USP12: variants seen among roughly 807,000 people sequenced by gnomAD.
USP12 encodes the protein ubiquitin carboxyl-terminal hydrolase 12.
USP12 carries 19 observed loss-of-function variants against 45.5 expected under a neutral mutation model. The ratio of observed to expected loss-of-function variants is 0.42; its 90% CI spans 0.29 to 0.61. USP12 has a LOEUF of 0.61. USP12 is among the 20% of genes least tolerant of loss of function. The probability of loss-of-function intolerance (pLI) is 0.22; values close to 1 mark genes in which losing one functional copy is unlikely to be tolerated. For synonymous variants in USP12, 149 were observed against 148.8 expected (o/e 1.00, Z -0.01); for missense variants, 242 against 447.7 (o/e 0.54, Z 4.15).
At chr13:27,171,059 G>A (rs1290076096) in intron 1 of USP12, among the ~76,000 whole-genome samples, 1 of 151,316 alleles carries the variant, frequency 6.6e-6, no homozygotes, top group Non-Finnish European at 1.5e-5. Context: ...TGCCCGCCCC[G>A]GCCGAGACCC....
At chr13:27,103,285 T>G (rs1040389298) in intron 3 of USP12, among the ~76,000 whole-genome samples, 27 of 152,302 alleles carry the variant, frequency 1.8e-4, no homozygotes, top group African/African-American at 6.5e-4. Context: ...GAATAATATA[T>G]TAAATCCTCT....
chr13:27,117,012 A>G (rs1022611032), intron 1 of USP12, among the ~76,000 whole-genome samples: 1 of 152,188 alleles, frequency 6.6e-6, no homozygotes, highest in Non-Finnish European at 1.5e-5. Flanking sequence ...TATTTTCATA[A>G]TATTGTCACA....
At chr13:27,108,303 T>A (rs1875249073) in intron 2 of USP12, among the ~76,000 whole-genome samples, 2 of 151,894 alleles carry the variant, frequency 1.3e-5, no homozygotes, top group Non-Finnish European at 1.5e-5. Context: ...AAACACCGCA[T>A]GTTCTTACTC....
chr13:27,103,598 C>CAAAAAAAAAAAAAAAAAAAAAAA, intron 3 of USP12, among the ~76,000 whole-genome samples: 1 of 128,750 alleles, frequency 7.8e-6, no homozygotes, highest in Non-Finnish European at 1.6e-5. Flanking sequence ...ATTGAACTAT[C>CAAAAAAAAAAAAAAAAAAAAAAA]AAAAAAAAAA....
intron 1 of USP12, chr13:27,170,216 C>G: frequency 5.0e-6 from 2 of 398,138 alleles, no homozygotes; most frequent in Non-Finnish European, 8.9e-6. Flanking sequence ...AATATGATTT[C>G]TTTAATACTG....
At chr13:27,085,894 G>A (rs9551356) in intron 6 of USP12, among the ~76,000 whole-genome samples, 5 of 151,760 alleles carry the variant, frequency 3.3e-5, no homozygotes, top group Admixed American at 3.3e-4. Flanking sequence ...CAGCAGGCGT[G>A]GTATCTAGCT....
chr13:27,148,164 C>G (rs1324112062), intron 1 of USP12, among the ~76,000 whole-genome samples: 2 of 150,924 alleles, frequency 1.3e-5, no homozygotes, highest in African/African-American at 4.9e-5. Context: ...GAAAACCTAA[C>G]AGAAGTTGTT....
intron 4 of USP12, 127 bp downstream of exon 4, chr13:27,095,474 A>G: frequency 3.0e-6 from 2 of 655,980 alleles, no homozygotes; most frequent in South Asian, 5.8e-5. Flanking sequence ...ACTGAAAAAT[A>G]CATCTTTAAC....
rs1876416559 is a variant in USP12 at position 27,129,938 on chromosome 13, G to C, written c.49-13342C>G. On this transcript the variant is annotated intron_variant, in intron 1 of 8. Coordinates refer to ENST00000282344, the MANE Select transcript of USP12 (RefSeq NM_182488.4). This position sits in a 1 kb window ranked among gnomAD's most constrained non-coding sequence, Gnocchi z 4.0. ...AATGGCAGAGTAGAAAGCTCCCAGG[G>C]TTAGTCCTTCCACCAAAACCATTAA... Among the ~76,000 whole-genome samples the C allele has an allele frequency of 6.6e-6, 1 of 152,128 alleles. No homozygotes were observed. Among genetic ancestry groups the C allele is most frequent in the African/African-American group, 2.4e-5 (1 of 41,416 alleles).
At chr13:27,105,416 AG>A (rs1173938402) in intron 3 of USP12, among the ~76,000 whole-genome samples, 70 of 152,374 alleles carry the variant, frequency 4.6e-4, no homozygotes, top group African/African-American at 1.7e-3. Flanking sequence ...GCAAAAAAAA[AG>A]AAACAAAAAC....
chr13:27,113,154 G>A (rs1875544428), intron 2 of USP12, among the ~76,000 whole-genome samples: 1 of 152,154 alleles, frequency 6.6e-6, no homozygotes, highest in Non-Finnish European at 1.5e-5. Flanking sequence ...AGGACGGCTT[G>A]AGCCAAGAAG....
At position 27,140,649 on chromosome 13, in the gene USP12, G is replaced by T. The variant is rs544723427; in HGVS notation, c.49-24053C>A. Among the ~76,000 whole-genome samples, 16 of 152,262 alleles carry T rather than the reference G, an allele frequency of 1.1e-4. No individual in the cohort carries two copies. The East Asian group carries it at 3.1e-3, about 29-fold the overall frequency. Reference sequence around the variant, plus strand: ...AAGTAACAAAACTGAAGTCTTCTCTGTAAGTCAGCACTTCAAATCCTAAAC... The same window carrying T: ...AAGTAACAAAACTGAAGTCTTCTCTTTAAGTCAGCACTTCAAATCCTAAAC... On this transcript the variant is annotated intron_variant, in intron 1 of 8. Coordinates refer to ENST00000282344, the MANE Select transcript of USP12 (RefSeq NM_182488.4).
chr13:27,105,761 T>C lies in USP12; in HGVS notation c.313A>G (p.Lys105Glu), dbSNP rs746522298. 1.2e-6 allele frequency: 2 copies of C among 1,613,758 alleles called. No individual in the cohort carries two copies. The highest frequency in any genetic ancestry group is 1.7e-6 in the Non-Finnish European group (2 of 1,179,752). Reference sequence around the variant, plus strand: ...TCTTTCCGTAATCTTGTGATGAACTTCTTAGGGGGTATTACTCCAACCTTT... The same window carrying C: ...TCTTTCCGTAATCTTGTGATGAACTCCTTAGGGGGTATTACTCCAACCTTT... ...KKKVGVIPPK[K>E]FITRLRKENE... Residue 105 changes from lysine (K) to glutamate (E), a missense_variant, in exon 3 of 9, where the codon AAG (lysine) becomes GAG (glutamate). Lys to Glu is a moderately conservative substitution (Grantham distance 56, BLOSUM62 1). Coordinates refer to ENST00000282344, the MANE Select transcript of USP12 (RefSeq NM_182488.4).
chr13:27,107,100 G>A (rs1002059875), intron 2 of USP12, among the ~76,000 whole-genome samples: 4 of 152,040 alleles, frequency 2.6e-5, no homozygotes, highest in South Asian at 2.1e-4. Flanking sequence ...CGAGGCAGGC[G>A]GATCACTTGA....
chr13:27,160,878 G>C (rs543409751), intron 1 of USP12, among the ~76,000 whole-genome samples: 6 of 151,228 alleles, frequency 4.0e-5, no homozygotes, highest in African/African-American at 1.5e-4. Context: ...GTGGTTTGCT[G>C]CACAGCTCAA....
intron 3 of USP12, among the ~76,000 whole-genome samples, chr13:27,099,050 A>G (rs1449845079): frequency 1.3e-5 from 2 of 152,216 alleles, no homozygotes; most frequent in African/African-American, 2.4e-5. Context: ...CCTGACCAAC[A>G]TGGTGAAACC....
chr13:27,084,169 TACAC>T (rs374948699), intron 6 of USP12, among the ~76,000 whole-genome samples: 4,154 of 142,438 alleles, frequency 0.029, 67 homozygotes, highest in East Asian at 0.031. Flanking sequence ...CATGTTTGCA[TACAC>T]ACACACACAC....
chr13:27,168,655 G>A (rs1395054593), intron 1 of USP12, among the ~76,000 whole-genome samples: 1 of 152,106 alleles, frequency 6.6e-6, no homozygotes, highest in South Asian at 2.1e-4. Context: ...ATTTCAAGAG[G>A]TACCCTTGAA....
intron 6 of USP12, among the ~76,000 whole-genome samples, chr13:27,081,075 G>A (rs9507838): frequency 0.96 from 143,375 of 149,194 alleles, 69,172 homozygotes; most frequent in East Asian, 1. Flanking sequence ...GTGCAGTGGC[G>A]CGATCTTGGC....
Sources: gnomAD v4.1 joint callset for allele counts (sites outside exome capture counted in the v4.1 genomes callset) on GRCh38, gnomAD v4.1.1 for gene constraint, Gnocchi (gnomAD v3.1) non-coding constraint, MANE v1.5 for transcripts, NCBI Gene and HGNC (gene_info 2026-07-23, HGNC 2026-07-21) for gene names.